The following UTRN variants were observed in gnomAD, a reference collection of about 807,000 sequenced individuals.
The protein encoded by UTRN is utrophin.
UTRN carries 283 observed loss-of-function variants against 463.9 expected under a neutral mutation model. That is an observed-to-expected ratio of 0.61 (90% confidence interval 0.55 to 0.67). The LOEUF is 0.67. Among genes scored for constraint, UTRN ranks in the 30% least tolerant of loss-of-function variants. The pLI is 0.00. For missense variants in UTRN, 3,922 were observed against 4,084.3 expected, an observed-to-expected ratio of 0.96 and a Z score of 1.08; for synonymous variants, 1,442 against 1,431.5, an observed-to-expected ratio of 1.01 and a Z score of -0.17.
intron 51 of UTRN, among the ~76,000 whole-genome samples, chr6:144,607,328 T>C (rs1804963447): frequency 6.6e-6 from 1 of 152,062 alleles, no homozygotes; most frequent in African/African-American, 2.4e-5. Flanking sequence ...AATTATGCTT[T>C]CCTTTGGAGC....
chr6:144,630,728 T>C (rs936601502), intron 51 of UTRN, among the ~76,000 whole-genome samples: 13 of 152,208 alleles, frequency 8.5e-5, no homozygotes, highest in Non-Finnish European at 1.6e-4. Flanking sequence ...GTTATATGCA[T>C]ATTTAAGTTA....
chr6:144,848,156 G>A (rs145841740), intron 74 of UTRN, among the ~76,000 whole-genome samples: 39 of 152,238 alleles, frequency 2.6e-4, no homozygotes, highest in Non-Finnish European at 4.6e-4. Context: ...TTGGGGAGGA[G>A]GTGTCAGAAG....
intron 2 of UTRN, among the ~76,000 whole-genome samples, chr6:144,395,460 A>T (rs948998275): frequency 6.7e-6 from 1 of 148,702 alleles, no homozygotes; most frequent in African/African-American, 2.5e-5. Context: ...ACAGTGTCGG[A>T]TGCCTGTAAA....
chr6:144,567,768 A>G (rs1308292119), intron 50 of UTRN, among the ~76,000 whole-genome samples: 1 of 152,188 alleles, frequency 6.6e-6, no homozygotes, highest in Non-Finnish European at 1.5e-5. Flanking sequence ...ATTAATGTAA[A>G]GGTCACCTTT....
At chr6:144,449,391 C>G (rs950776976) in intron 17 of UTRN, among the ~76,000 whole-genome samples, 1 of 152,144 alleles carries the variant, frequency 6.6e-6, no homozygotes, top group Non-Finnish European at 1.5e-5. Context: ...GTGGTTTTTA[C>G]CAGCTCGCGG....
Position 144,815,926 on chromosome 6 carries a change from C to T in UTRN, c.9358-4956C>T, listed in dbSNP as rs189324877. On this transcript the variant is annotated intron_variant, in intron 65 of 74. Transcript: ENST00000367545. ...TGAAAAATGAATGATAGAATGACACCATTTTGCAATTCCCAATGAATGGAT... is the reference window on the plus strand; with the variant it reads ...TGAAAAATGAATGATAGAATGACACTATTTTGCAATTCCCAATGAATGGAT... 3.7e-3 allele frequency among the ~76,000 whole-genome samples: 557 copies of T among 151,990 alleles called. 3 individuals carry two copies. Among genetic ancestry groups the T allele is most frequent in the African/African-American group, 0.013 (529 of 41,530 alleles).
intron 66 of UTRN, among the ~76,000 whole-genome samples, chr6:144,821,410 A>T (rs954095468): frequency 6.6e-6 from 1 of 151,414 alleles, no homozygotes; most frequent in Non-Finnish European, 1.5e-5. Context: ...TATGTTTTAT[A>T]CTCTTTTTGC....
intron 51 of UTRN, among the ~76,000 whole-genome samples, chr6:144,675,257 G>A (rs1259496498): frequency 6.6e-6 from 1 of 152,092 alleles, no homozygotes; most frequent in Admixed American, 6.5e-5. Flanking sequence ...AGGGCTACCG[G>A]GCTCCAATCT....
intron 61 of UTRN, among the ~76,000 whole-genome samples, chr6:144,782,815 A>G (rs1336041573): frequency 6.6e-6 from 1 of 152,136 alleles, no homozygotes; most frequent in Non-Finnish European, 1.5e-5. Flanking sequence ...AGTTCTAGAA[A>G]GACCTGCTGT....
intron 2 of UTRN, among the ~76,000 whole-genome samples, chr6:144,341,071 G>A (rs1347579200): frequency 6.6e-6 from 1 of 152,164 alleles, no homozygotes; most frequent in Non-Finnish European, 1.5e-5. Context: ...GAATGTTTTA[G>A]AAGTTTCCCA....
chr6:144,463,681 G>T lies in UTRN; in HGVS notation c.3066+815G>T, dbSNP rs142455721. Among the ~76,000 whole-genome samples, 503 of 149,216 alleles carry T rather than the reference G, an allele frequency of 3.4e-3. 15 individuals carry two copies. The highest frequency in any genetic ancestry group is 0.029 in the Admixed American group (427 of 14,914). ...TTTTTTAAATTTCTTATTCACCGAT[G>T]TATGCCAAGATGTACTCATAACTAG... On this transcript the variant is annotated intron_variant, in intron 23 of 74. Transcript: ENST00000367545.
At chr6:144,738,955 G>A (rs189628717) in intron 54 of UTRN, among the ~76,000 whole-genome samples, 33 of 152,208 alleles carry the variant, frequency 2.2e-4, no homozygotes, top group Admixed American at 5.9e-4. Context: ...AGTATAGTGG[G>A]TATAGTTGTG....
chr6:144,622,765 G>C (rs1245763287), intron 51 of UTRN, among the ~76,000 whole-genome samples: 2 of 152,164 alleles, frequency 1.3e-5, no homozygotes, highest in East Asian at 3.9e-4. Context: ...TTCTCACAAA[G>C]AGGAAATTTA....
chr6:144,691,174 T>C (rs1783365750), intron 52 of UTRN, among the ~76,000 whole-genome samples: 1 of 152,218 alleles, frequency 6.6e-6, no homozygotes, highest in Non-Finnish European at 1.5e-5. Context: ...TGGAGTGCGA[T>C]GGTGCAATCT....
At chr6:144,600,938 T>C (rs1228682736) in intron 51 of UTRN, among the ~76,000 whole-genome samples, 1 of 152,184 alleles carries the variant, frequency 6.6e-6, no homozygotes, top group African/African-American at 2.4e-5. Context: ...CCGAAAATCC[T>C]AGGGCCCTTA....
intron 50 of UTRN, among the ~76,000 whole-genome samples, chr6:144,560,585 A>G (rs1799778722): frequency 1.3e-5 from 2 of 152,142 alleles, no homozygotes; most frequent in Admixed American, 6.6e-5. Flanking sequence ...ATATTTGCAC[A>G]TGGAATACTG....
At chr6:144,592,563 GT>G (rs1231889153) in intron 51 of UTRN, among the ~76,000 whole-genome samples, 1 of 152,042 alleles carries the variant, frequency 6.6e-6, no homozygotes, top group African/African-American at 2.4e-5. Context: ...TAGAGACGGA[GT>G]TTCACCATGT....
Position 144,554,853 on chromosome 6 carries a change from C to T in UTRN, c.7094C>T (p.Ala2365Val). 3 of 1,613,958 alleles carry T rather than the reference C, an allele frequency of 1.9e-6. No homozygotes were observed. The highest frequency in any genetic ancestry group is 2.5e-6 in the Non-Finnish European group (3 of 1,179,956). The part of the protein sequence containing the change: ...YEARLYILQQ[A>V]RRDPLTKQIS... ...GCTCGACTCTATATTCTTCAGCAAG[C>T]CCGACGGGATCCACTCACCAAACAA... The change falls in exon 49 of 75, where the codon GCC (alanine) becomes GTC (valine). Residue 2365 changes from alanine to valine, a missense_variant. Physicochemically the swap from Ala to Val is moderately conservative, Grantham distance 64. Transcript: ENST00000367545.
chr6:144,759,355 A>G (rs1792371843), intron 58 of UTRN, among the ~76,000 whole-genome samples: 1 of 152,146 alleles, frequency 6.6e-6, no homozygotes, highest in Admixed American at 6.6e-5. Flanking sequence ...TTTTTATTGT[A>G]CACTATAACA....
Sources: gnomAD v4.1 joint callset for allele counts (sites outside exome capture counted in the v4.1 genomes callset) on GRCh38, gnomAD v4.1.1 for gene constraint, MANE v1.5 for transcripts, NCBI Gene and HGNC (gene_info 2026-07-23, HGNC 2026-07-21) for gene names.